The following VTI1A variants were observed in gnomAD, a reference collection of about 807,000 sequenced individuals.
VTI1A encodes the protein vesicle transport through interaction with t-SNAREs 1A.
A neutral mutation model predicts 34.9 loss-of-function variants in VTI1A; 22 were observed. The ratio of observed to expected loss-of-function variants is 0.63; its 90% CI spans 0.45 to 0.90. The LOEUF is 0.90. VTI1A is among the 40% of genes least tolerant of loss of function. The pLI, the probability that VTI1A is intolerant of heterozygous loss-of-function variation, is 0.00. For synonymous variants in VTI1A, 87 were observed against 97.3 expected (o/e 0.89, Z 0.62); for missense variants, 268 against 275.6 (o/e 0.97, Z 0.20).
At chr10:112,848,845 C>T in the VTI1A span, among the ~76,000 whole-genome samples, 1 of 151,998 alleles carries the variant, frequency 6.6e-6, no homozygotes, top group Non-Finnish European at 1.5e-5. Flanking sequence ...GAGGAGGTGA[C>T]CATTGAGATG....
At chr10:112,730,078 A>G in intron 7 of VTI1A, among the ~76,000 whole-genome samples, 1 of 152,220 alleles carries the variant, frequency 6.6e-6, no homozygotes, top group Non-Finnish European at 1.5e-5. Context: ...AAGAGGGCAT[A>G]TTTCTCAGCA....
At position 112,618,506 on chromosome 10, in the gene VTI1A, T is replaced by G. The variant is rs1394954641; in HGVS notation, c.428-49712T>G. On this transcript the variant is annotated intron_variant, in intron 5 of 7. Coordinates refer to ENST00000393077, the MANE Select transcript of VTI1A (RefSeq NM_145206.4). ...TGATTATATTATATATATATATATA[T>G]ATATATATATATATATATAGAGAGA... Among the ~76,000 whole-genome samples, 264 of 33,560 alleles carry G rather than the reference T, an allele frequency of 7.9e-3. 1 individual carries two copies. Among genetic ancestry groups the G allele is most frequent in the African/African-American group, 0.027 (215 of 7,982 alleles). 22.0% of individuals were successfully genotyped at this position (33,560 alleles called of 152,430 possible).
chr10:112,742,721 A>G (rs908209027), intron 7 of VTI1A, among the ~76,000 whole-genome samples: 4 of 152,216 alleles, frequency 2.6e-5, no homozygotes, highest in African/African-American at 4.8e-5. Context: ...TCTCTGTTCT[A>G]TGATCATTTT....
At chr10:112,708,000 G>A (rs1215586123) in intron 7 of VTI1A, among the ~76,000 whole-genome samples, 2 of 152,104 alleles carry the variant, frequency 1.3e-5, no homozygotes, top group East Asian at 3.9e-4. Flanking sequence ...CCCTGTTCCT[G>A]GTGAAGTTTA....
chr10:112,661,877 C>T (rs981687933), intron 5 of VTI1A, among the ~76,000 whole-genome samples: 1 of 151,162 alleles, frequency 6.6e-6, no homozygotes, highest in South Asian at 2.1e-4. Context: ...AAGTAATTCT[C>T]CTGCCTCAGT....
At chr10:112,783,517 A>G (rs980974239) in intron 7 of VTI1A, among the ~76,000 whole-genome samples, 1 of 152,212 alleles carries the variant, frequency 6.6e-6, no homozygotes, top group East Asian at 1.9e-4. Flanking sequence ...GTTCAGATGA[A>G]TTATGGACCC....
At position 112,767,782 on chromosome 10, in the gene VTI1A, C is replaced by A. The variant is rs1239482202; in HGVS notation, c.561-47508C>A. The stretch of plus-strand genomic sequence containing the variant: ...GTTTGAAGACCAATGGGACATGTAA[C>A]TAACTTATTTTAAACACAAACTTCA... On this transcript the variant is annotated intron_variant, in intron 7 of 7. Coordinates refer to ENST00000393077, the MANE Select transcript of VTI1A (RefSeq NM_145206.4). This position sits in a 1 kb window ranked among gnomAD's most constrained non-coding sequence, Gnocchi z 4.0. Among the ~76,000 whole-genome samples, 1 of 151,822 alleles carries A rather than the reference C, an allele frequency of 6.6e-6. No homozygotes were observed. The highest frequency in any genetic ancestry group is 1.5e-5 in the Non-Finnish European group (1 of 67,992).
At chr10:112,830,976 A>G in the VTI1A span, among the ~76,000 whole-genome samples, 1 of 149,662 alleles carries the variant, frequency 6.7e-6, no homozygotes, top group East Asian at 2.0e-4. Flanking sequence ...CAACTTCCCA[A>G]GAAGCTGAGA....
intron 7 of VTI1A, among the ~76,000 whole-genome samples, chr10:112,783,625 C>T (rs994837877): frequency 1.2e-4 from 19 of 152,120 alleles, no homozygotes; most frequent in African/African-American, 4.6e-4. Flanking sequence ...TTTTCAACAG[C>T]TTCAGTAATA....
At chr10:112,614,012 A>T (rs1845419490) in intron 5 of VTI1A, among the ~76,000 whole-genome samples, 1 of 152,026 alleles carries the variant, frequency 6.6e-6, no homozygotes, top group Non-Finnish European at 1.5e-5. Context: ...TCCATGTTTC[A>T]TATGGTGAAA....
At chr10:112,626,728 A>G (rs1845937715) in intron 5 of VTI1A, among the ~76,000 whole-genome samples, 1 of 152,230 alleles carries the variant, frequency 6.6e-6, no homozygotes, top group Non-Finnish European at 1.5e-5. Flanking sequence ...TCCAGCTGGT[A>G]GTCCACTGCT....
chr10:112,818,798 T>C (rs1312894350), downstream of VTI1A: 1 of 143,036 alleles, frequency 7.0e-6, no homozygotes, highest in Non-Finnish European at 1.4e-5. Flanking sequence ...AGCTGTGTCA[T>C]GTGGTACCCC....
intron 7 of VTI1A, among the ~76,000 whole-genome samples, chr10:112,801,706 T>A (rs1487948640): frequency 1.3e-5 from 2 of 152,202 alleles, no homozygotes; most frequent in Non-Finnish European, 2.9e-5. Flanking sequence ...CAGAGAACAC[T>A]TGCCATTCTT....
At chr10:112,643,514 T>C (rs1472926268) in intron 5 of VTI1A, among the ~76,000 whole-genome samples, 1 of 152,168 alleles carries the variant, frequency 6.6e-6, no homozygotes, top group Non-Finnish European at 1.5e-5. Flanking sequence ...CTGAAGTGTG[T>C]TACACATAGG....
chr10:112,599,850 A>G (rs1844814898), intron 5 of VTI1A, among the ~76,000 whole-genome samples: 1 of 152,176 alleles, frequency 6.6e-6, no homozygotes, highest in Non-Finnish European at 1.5e-5. Context: ...AAGTGCTGGG[A>G]CTACAGGCGT....
At chr10:112,489,423 A>G (rs1056902184) in intron 3 of VTI1A, among the ~76,000 whole-genome samples, 1 of 152,178 alleles carries the variant, frequency 6.6e-6, no homozygotes, top group African/African-American at 2.4e-5. Context: ...GTACTGCCAA[A>G]CAGAATGTTT....
intron 5 of VTI1A, among the ~76,000 whole-genome samples, chr10:112,554,181 T>G (rs1341864960): frequency 6.6e-6 from 1 of 152,340 alleles, no homozygotes; most frequent in African/African-American, 2.4e-5. Flanking sequence ...ATAATTCTGC[T>G]GTGTGTGTTT....
intron 1 of VTI1A, among the ~76,000 whole-genome samples, chr10:112,458,650 T>A (rs1197328595): frequency 9.3e-6 from 1 of 108,024 alleles, no homozygotes; most frequent in Non-Finnish European, 1.9e-5. Flanking sequence ...ATATATATTT[T>A]TATTTTTATT....
intron 3 of VTI1A, among the ~76,000 whole-genome samples, chr10:112,524,213 C>T (rs12258007): frequency 0.061 from 9,252 of 151,628 alleles, 534 homozygotes; most frequent in African/African-American, 0.15. Flanking sequence ...AATTTTAAGT[C>T]GTGAAAAATT....
Sources: allele counts gnomAD v4.1 joint callset (sites outside exome capture counted in the v4.1 genomes callset), GRCh38; gene constraint gnomAD v4.1.1; non-coding constraint Gnocchi (gnomAD v3.1); transcripts MANE v1.5; gene names NCBI Gene and HGNC (gene_info 2026-07-23, HGNC 2026-07-21).